MAP2K6: variants seen among roughly 807,000 people sequenced by gnomAD.
MAP2K6 encodes the protein mitogen-activated protein kinase kinase 6.
MAP2K6 carries 16 observed loss-of-function variants against 53.7 expected under a neutral mutation model. The observed-to-expected ratio is 0.30, with a 90% CI of 0.20 to 0.45. The LOEUF (loss-of-function observed/expected upper bound fraction) is 0.45, where lower values mean the gene tolerates loss of function less well. Among genes scored for constraint, MAP2K6 ranks in the 20% least tolerant of loss-of-function variants. The probability of loss-of-function intolerance (pLI) is 1.00; values close to 1 mark genes in which losing one functional copy is unlikely to be tolerated. For missense variants in MAP2K6, 204 were observed against 411.9 expected (o/e 0.50, Z 4.37); for synonymous variants, 132 against 143.1 (o/e 0.92, Z 0.55).
chr17:69,498,500 G>A (rs1909028569), intron 1 of MAP2K6, among the ~76,000 whole-genome samples: 1 of 152,130 alleles, frequency 6.6e-6, no homozygotes, highest in African/African-American at 2.4e-5. Flanking sequence ...ACCTGCATGG[G>A]TCCTTTTGGG....
In MAP2K6 at chr17:69,536,287, A is replaced by C. The variant is rs1911354548; in HGVS notation, c.927+127A>C. 3 of 712,582 alleles carry C rather than the reference A, an allele frequency of 4.2e-6. No homozygotes were observed. The South Asian group carries it at 5.0e-5, about 12-fold the overall frequency. The allele number at this position is 712,582 out of a possible 1,614,324, so 44.1% of individuals were successfully genotyped here. A position where few individuals can be genotyped will look rare whatever the true frequency, so the allele number is the denominator to read the frequency against. On this transcript the variant is annotated intron_variant, in intron 11 of 11. Coordinates refer to ENST00000590474, the MANE Select transcript of MAP2K6 (RefSeq NM_002758.4). ...GTTCATTGATACATCAGTGACAGGA[A>C]TTGAACTCCAGGAAAGAGAGTTAAA...
intron 1 of MAP2K6, among the ~76,000 whole-genome samples, chr17:69,436,636 T>C (rs1239693117): frequency 1.3e-5 from 2 of 152,172 alleles, no homozygotes; most frequent in Non-Finnish European, 2.9e-5. Flanking sequence ...TCCTCCCTTT[T>C]CTAGTCTTTC....
Position 69,520,324 on chromosome 17 carries a change from A to G in MAP2K6, c.421A>G (p.Lys141Glu). The G allele has an allele frequency of 6.2e-7, 1 of 1,613,170 alleles. No individual in the cohort carries two copies. Among genetic ancestry groups the G allele is most frequent in the East Asian group, 2.2e-5 (1 of 44,862 alleles). ...GGATACATCACTAGATAAATTCTACAAACAAGTTATTGATAAAGGCCAGAC... is the reference window on the plus strand; with the variant it reads ...GGATACATCACTAGATAAATTCTACGAACAAGTTATTGATAAAGGCCAGAC... ...LMDTSLDKFYKQVIDKGQTIP... is the reference protein window; with the variant it reads ...LMDTSLDKFYEQVIDKGQTIP... Residue 141 changes from lysine to glutamate, a missense_variant, in exon 6 of 12, where the codon AAA becomes GAA. By Grantham distance (56) the Lys-to-Glu change is moderately conservative. Transcript: ENST00000590474.
intron 11 of MAP2K6, among the ~76,000 whole-genome samples, chr17:69,541,059 C>T (rs900061923): frequency 1.3e-5 from 2 of 152,140 alleles, no homozygotes; most frequent in South Asian, 4.1e-4. Context: ...GTCAGGAGAT[C>T]AAGACCATCC....
rs190806247 is a variant in MAP2K6 at position 69,525,734 on chromosome 17, A to G, written c.741+756A>G. 3.8e-4 allele frequency among the ~76,000 whole-genome samples: 58 copies of G among 152,330 alleles called. No individual in the cohort carries two copies. In the East Asian group the frequency reaches 4.4e-3, roughly 12 times the overall value. On this transcript the variant is annotated intron_variant, in intron 9 of 11. Transcript: ENST00000590474. ...ATGGGGGAACCACCCCCATGATTCA[A>G]TTGTTTCCCACTGGGTCCCTCCCAC...
At position 69,541,705 on chromosome 17, in the gene MAP2K6, C is replaced by A. The variant is rs920345428; in HGVS notation, c.957C>A (p.Ser319=). The A allele has an allele frequency of 5.0e-6, 8 of 1,612,234 alleles. No homozygotes were observed. In the African/African-American group the frequency reaches 9.4e-5, roughly 19 times the overall value. ...MQHPFFTLHE[S]KGTDVASFVK... is the part of the protein sequence containing the mutation. ...ATCCATTTTTCACCCTACATGAATC[C>A]AAAGGAACAGATGTGGCATCTTTTG... The change falls in exon 12 of 12, where the codon TCC becomes TCA. Residue 319 remains serine (S), a synonymous_variant. Coordinates refer to ENST00000590474, the MANE Select transcript of MAP2K6 (RefSeq NM_002758.4).
rs538900631 is a variant in MAP2K6 at position 69,481,293 on chromosome 17, G to T, written c.17-24487G>T. On this transcript the variant is annotated intron_variant, in intron 1 of 11. Transcript: ENST00000590474. ...TTTTACTTAGCATAGTGTCTCCAAG[G>T]TTCATCCATGTTGTAGCATGTGTCA... Among the ~76,000 whole-genome samples, 29 of 152,182 alleles carry T rather than the reference G, an allele frequency of 1.9e-4. No individual in the cohort carries two copies. In the South Asian group the frequency reaches 4.1e-3, roughly 22 times the overall value.
chr17:69,459,739 GA>G (rs890207931), intron 1 of MAP2K6, among the ~76,000 whole-genome samples: 1 of 140,072 alleles, frequency 7.1e-6, no homozygotes, highest in Non-Finnish European at 1.6e-5. Flanking sequence ...AAAAAAAGAG[GA>G]AAAAAAGAAA....
chr17:69,526,719 C>A lies in MAP2K6; in HGVS notation c.881+10C>A. ...ACTTTACCTCACAGTGGTAAGACAGCCTCACCTCCCAAGTGTCAGTGTGAA... is the reference window on the plus strand; with the variant it reads ...ACTTTACCTCACAGTGGTAAGACAGACTCACCTCCCAAGTGTCAGTGTGAA... On this transcript the variant is annotated intron_variant, in intron 10 of 11. Coordinates refer to ENST00000590474, the MANE Select transcript of MAP2K6 (RefSeq NM_002758.4). The A allele has an allele frequency of 3.7e-6, 6 of 1,609,686 alleles. No homozygotes were observed. The highest frequency in any genetic ancestry group is 5.1e-6 in the Non-Finnish European group (6 of 1,179,368).
At chr17:69,489,647 G>C (rs1441759106) in intron 1 of MAP2K6, among the ~76,000 whole-genome samples, 1 of 152,206 alleles carries the variant, frequency 6.6e-6, no homozygotes, top group Non-Finnish European at 1.5e-5. Context: ...ATCTGAACTA[G>C]TTAATATTGA....
At chr17:69,475,112 T>C (rs939959511) in intron 1 of MAP2K6, among the ~76,000 whole-genome samples, 1 of 152,194 alleles carries the variant, frequency 6.6e-6, no homozygotes, top group East Asian at 1.9e-4. Flanking sequence ...TGAATTAGGG[T>C]TTAAGTTCCT....
rs1598328661 is a variant in MAP2K6 at position 69,548,225 on chromosome 17, T to C, written c.*6472T>C. ...GTAAATTTCAATTTTAAGGGGCCTATGCAAAATGCCTCCTTTCTGATGTGA... is the reference window on the plus strand; with the variant it reads ...GTAAATTTCAATTTTAAGGGGCCTACGCAAAATGCCTCCTTTCTGATGTGA... On this transcript the variant is annotated 3_prime_UTR_variant, in exon 12 of 12. Coordinates refer to ENST00000590474, the MANE Select transcript of MAP2K6 (RefSeq NM_002758.4). The C allele has an allele frequency of 6.6e-6, 1 of 152,324 alleles. No individual in the cohort carries two copies. 9.4% of individuals were successfully genotyped at this position (152,324 alleles called of 1,614,324 possible).
Position 69,509,479 on chromosome 17 carries a change from G to T in MAP2K6, c.83+3633G>T, listed in dbSNP as rs184885428. ...GATTCTGCAATTGATCTTCTATTCT[G>T]TGACTTTACTAAAATCACTTATTAG... On this transcript the variant is annotated intron_variant, in intron 2 of 11. Transcript: ENST00000590474. Among the ~76,000 whole-genome samples the T allele has an allele frequency of 1.0e-3, 152 of 152,174 alleles. 1 individual carries two copies. The highest frequency in any genetic ancestry group is 1.7e-3 in the Non-Finnish European group (113 of 67,996).
intron 9 of MAP2K6, among the ~76,000 whole-genome samples, 185 bp from the exon 10 acceptor site, chr17:69,526,385 G>C (rs943606137): frequency 6.6e-6 from 1 of 152,138 alleles, no homozygotes; most frequent in Non-Finnish European, 1.5e-5. Flanking sequence ...AAAATCCCTA[G>C]CACTAGGAAT....
intron 1 of MAP2K6, among the ~76,000 whole-genome samples, chr17:69,480,115 G>C (rs1217763515): frequency 6.6e-6 from 1 of 152,110 alleles, no homozygotes; most frequent in African/African-American, 2.4e-5. Flanking sequence ...TAAGCAAAAA[G>C]TATTTTTTAA....
chr17:69,476,213 G>T (rs559539100), intron 1 of MAP2K6, among the ~76,000 whole-genome samples: 5 of 152,018 alleles, frequency 3.3e-5, no homozygotes, highest in African/African-American at 9.7e-5. Flanking sequence ...ATATTTCCTA[G>T]CTCTGCCTCT....
intron 1 of MAP2K6, among the ~76,000 whole-genome samples, chr17:69,432,249 G>T (rs145674993): frequency 6.6e-6 from 1 of 152,258 alleles, no homozygotes; most frequent in East Asian, 1.9e-4. Flanking sequence ...TGATCATGAA[G>T]AACTTGATTT....
intron 1 of MAP2K6, among the ~76,000 whole-genome samples, chr17:69,491,468 T>C (rs1300190826): frequency 6.6e-6 from 1 of 152,140 alleles, no homozygotes; most frequent in Non-Finnish European, 1.5e-5. Flanking sequence ...CAGTCTATCA[T>C]TGATGGGCAT....
chr17:69,425,334 A>T (rs186470127), intron 1 of MAP2K6, among the ~76,000 whole-genome samples: 1 of 150,818 alleles, frequency 6.6e-6, no homozygotes, highest in Non-Finnish European at 1.5e-5. Context: ...TTTTTCTGAG[A>T]TGGCGTATAG....
Sources: gnomAD v4.1 joint callset for allele counts (sites outside exome capture counted in the v4.1 genomes callset) on GRCh38, gnomAD v4.1.1 for gene constraint, MANE v1.5 for transcripts, NCBI Gene and HGNC (gene_info 2026-07-23, HGNC 2026-07-21) for gene names.